UBTD2: variants seen among roughly 807,000 people sequenced by gnomAD.
UBTD2 encodes the protein ubiquitin domain containing 2, also known as ubiquitin domain-containing protein 2.
Under a neutral mutation model 19.8 loss-of-function variants are expected in UBTD2, and 9 were observed. The observed-to-expected ratio is 0.46, with a 90% CI of 0.27 to 0.79. The LOEUF is 0.79. Among genes scored for constraint, UBTD2 ranks in the 30% least tolerant of loss-of-function variants. UBTD2 has a pLI of 0.14. For missense variants in UBTD2, 250 were observed against 300.4 expected (o/e 0.83, Z 1.24); for synonymous variants, 98 against 103.9 (o/e 0.94, Z 0.35).
chr5:172,248,022 G>T (rs955134584), intron 1 of UBTD2, among the ~76,000 whole-genome samples: 1 of 152,018 alleles, frequency 6.6e-6, no homozygotes. Flanking sequence ...AAGGAAAACT[G>T]GAAAATTCAC....
intron 1 of UBTD2, among the ~76,000 whole-genome samples, chr5:172,271,279 A>G (rs112639527): frequency 6.6e-6 from 1 of 152,098 alleles, no homozygotes; most frequent in Non-Finnish European, 1.5e-5. Flanking sequence ...AAATAAAAAA[A>G]TTAGCCAGGC....
At chr5:172,238,824 A>G (rs1289515225) in intron 1 of UBTD2, among the ~76,000 whole-genome samples, 1 of 152,222 alleles carries the variant, frequency 6.6e-6, no homozygotes, top group Non-Finnish European at 1.5e-5. Flanking sequence ...AAGAAAGAAG[A>G]GGCCATAATG....
At chr5:172,233,620 C>CAG (rs1458408045) in intron 2 of UBTD2, among the ~76,000 whole-genome samples, 2 of 152,114 alleles carry the variant, frequency 1.3e-5, no homozygotes, top group Non-Finnish European at 2.9e-5. Flanking sequence ...GCGGGACTCT[C>CAG]TTCTAAGTTT....
chr5:172,243,552 AC>A (rs1428160283), intron 1 of UBTD2, among the ~76,000 whole-genome samples: 108 of 103,962 alleles, frequency 1.0e-3, no homozygotes, highest in African/African-American at 4.0e-3. Flanking sequence ...ATTGTGAGAA[AC>A]CTTTTTTTTT....
intron 1 of UBTD2, among the ~76,000 whole-genome samples, chr5:172,237,290 C>T (rs930600893): frequency 6.6e-6 from 1 of 152,088 alleles, no homozygotes; most frequent in Non-Finnish European, 1.5e-5. Flanking sequence ...GACGGGGTTT[C>T]ACCATATTGG....
At chr5:172,218,806 AAAATAAAAAAT>A (rs1771597513) in intron 2 of UBTD2, among the ~76,000 whole-genome samples, 2 of 99,352 alleles carry the variant, frequency 2.0e-5, no homozygotes, top group Admixed American at 1.0e-4. Flanking sequence ...AATAAAAAAA[AAAATAAAAAAT>A]AAAAATAAAA....
chr5:172,210,884 T>C lies in UBTD2; in HGVS notation c.*946A>G, dbSNP rs1358319890. 2 of 152,114 alleles carry C rather than the reference T, an allele frequency of 1.3e-5. No homozygotes were observed. The highest frequency in any genetic ancestry group is 2.9e-5 in the Non-Finnish European group (2 of 68,044). The allele number at this position is 152,114 out of a possible 1,614,324, so 9.4% of individuals were successfully genotyped here. A position where few individuals can be genotyped will look rare whatever the true frequency, so the allele number is the denominator to read the frequency against. ...TTATTAACTTGAGTGGGAACAGCTA[T>C]AATTGATTTTGGTGTCTCCTGACCC... On this transcript the variant is annotated 3_prime_UTR_variant, in exon 3 of 3. Coordinates refer to ENST00000393792, the MANE Select transcript of UBTD2 (RefSeq NM_152277.3).
chr5:172,261,626 T>C (rs915170865), intron 1 of UBTD2, among the ~76,000 whole-genome samples: 2 of 152,002 alleles, frequency 1.3e-5, no homozygotes, highest in African/African-American at 4.8e-5. Context: ...ACCACTCACA[T>C]ACACTTTTTT....
intron 2 of UBTD2, among the ~76,000 whole-genome samples, chr5:172,221,779 A>C (rs1357505542): frequency 6.6e-6 from 1 of 152,208 alleles, no homozygotes; most frequent in Non-Finnish European, 1.5e-5. Context: ...AATGATGGAT[A>C]CATGTCAATA....
At chr5:172,260,706 GGTTA>G (rs1469137901) in intron 1 of UBTD2, among the ~76,000 whole-genome samples, 1 of 152,142 alleles carries the variant, frequency 6.6e-6, no homozygotes, top group African/African-American at 2.4e-5. Flanking sequence ...TCTTGTTACA[GGTTA>G]AGTGTCTCAC....
chr5:172,254,091 C>T (rs1755088385), intron 1 of UBTD2, among the ~76,000 whole-genome samples: 1 of 151,966 alleles, frequency 6.6e-6, no homozygotes. Context: ...GGCATTCAAA[C>T]TAGCATTCCT....
chr5:172,232,214 A>C (rs894296164), intron 2 of UBTD2, among the ~76,000 whole-genome samples: 2 of 152,110 alleles, frequency 1.3e-5, no homozygotes, highest in Non-Finnish European at 2.9e-5. Context: ...TGGAGGTTAC[A>C]GTAAGCCAAG....
intron 1 of UBTD2, among the ~76,000 whole-genome samples, chr5:172,238,740 GTATGAT>G (rs1309057410): frequency 6.6e-6 from 1 of 152,166 alleles, no homozygotes; most frequent in Non-Finnish European, 1.5e-5. Flanking sequence ...CTGAAGTTAA[GTATGAT>G]TATAATTGTT....
chr5:172,250,856 T>C (rs1754989275), intron 1 of UBTD2, among the ~76,000 whole-genome samples: 1 of 131,402 alleles, frequency 7.6e-6, no homozygotes, highest in Non-Finnish European at 1.5e-5. Context: ...TCACCCGAGC[T>C]CAGGAAGGTC....
At chr5:172,244,901 G>C (rs1035816731) in intron 1 of UBTD2, among the ~76,000 whole-genome samples, 3 of 151,852 alleles carry the variant, frequency 2.0e-5, no homozygotes, top group Non-Finnish European at 4.4e-5. Flanking sequence ...GCTAATTTTC[G>C]TATTTTTAGT....
intron 1 of UBTD2, among the ~76,000 whole-genome samples, chr5:172,272,507 T>C (rs1210913035): frequency 6.6e-6 from 1 of 151,824 alleles, no homozygotes; most frequent in Non-Finnish European, 1.5e-5. Flanking sequence ...AAAATGAGAG[T>C]CATTAAATCA....
chr5:172,232,416 G>T (rs1426995974), intron 2 of UBTD2, among the ~76,000 whole-genome samples: 1 of 151,394 alleles, frequency 6.6e-6, no homozygotes, highest in African/African-American at 2.4e-5. Flanking sequence ...AAAGTGATCA[G>T]TGGGTGCTCA....
intron 1 of UBTD2, among the ~76,000 whole-genome samples, chr5:172,274,865 A>T (rs752097724): frequency 7.9e-5 from 12 of 151,906 alleles, no homozygotes; most frequent in Non-Finnish European, 1.5e-4. Context: ...TGAAACCCCA[A>T]CTCTACTAAA....
At chr5:172,278,322 A>G (rs1313743287) in intron 1 of UBTD2, among the ~76,000 whole-genome samples, 2 of 152,158 alleles carry the variant, frequency 1.3e-5, no homozygotes, top group African/African-American at 4.8e-5. Flanking sequence ...GTTGGAGACC[A>G]GCCTGGCCAA....
Sources: gnomAD v4.1 joint callset for allele counts (sites outside exome capture counted in the v4.1 genomes callset) on GRCh38, gnomAD v4.1.1 for gene constraint, MANE v1.5 for transcripts, NCBI Gene and HGNC (gene_info 2026-07-23, HGNC 2026-07-21) for gene names.